The following OPN3 variants were observed in gnomAD, a reference collection of about 807,000 sequenced individuals.
The protein encoded by OPN3 is opsin-3.
Under a neutral mutation model 33.8 loss-of-function variants are expected in OPN3, and 29 were observed. The observed-to-expected ratio is 0.86, with a 90% CI of 0.64 to 1.17. The LOEUF (loss-of-function observed/expected upper bound fraction) is 1.17. Ranked by LOEUF, OPN3 falls within the 50% of genes most tolerant of loss-of-function variation. The pLI is 0.00. For synonymous variants in OPN3, 216 were observed against 216.1 expected, an observed-to-expected ratio of 1.00 and a Z score of 0.00; for missense variants, 437 against 514.1, an observed-to-expected ratio of 0.85 and a Z score of 1.45.
chr1:241,597,124 C>T (rs533351849), intron 3 of OPN3, among the ~76,000 whole-genome samples: 49 of 152,216 alleles, frequency 3.2e-4, no homozygotes, highest in South Asian at 8.3e-4. Context: ...GCCACCACAC[C>T]AGGCCCAGGA....
chr1:241,633,843 C>T (rs748606837), intron 1 of OPN3: 4 of 1,613,832 alleles, frequency 2.5e-6, no homozygotes, highest in Non-Finnish European at 3.4e-6. Context: ...TTGCTTTCCT[C>T]AGAGGATTCT....
At chr1:241,595,667 GT>G (rs1208524819) in intron 3 of OPN3, 1 of 152,046 alleles carries the variant, frequency 6.6e-6, no homozygotes, top group Non-Finnish European at 1.5e-5. Context: ...TTTTTTGTTT[GT>G]TTTTTGTTTT....
intron 1 of OPN3, among the ~76,000 whole-genome samples, chr1:241,638,778 C>A (rs1345584853): frequency 6.6e-6 from 1 of 152,026 alleles, no homozygotes. Flanking sequence ...AAAAATGAAT[C>A]ATTACAAATA....
intron 1 of OPN3, among the ~76,000 whole-genome samples, chr1:241,616,620 T>G (rs1480781215): frequency 6.6e-6 from 1 of 152,248 alleles, no homozygotes; most frequent in African/African-American, 2.4e-5. Flanking sequence ...CAAGGGATTA[T>G]TATGTATTTG....
At chr1:241,635,594 C>A (rs772981526) in intron 1 of OPN3, 1 of 1,614,100 alleles carries the variant, frequency 6.2e-7, no homozygotes, top group Non-Finnish European at 8.5e-7. Context: ...CTCCTTCAAC[C>A]AGGATAGCAA....
chr1:241,615,665 C>T (rs1184856630), intron 1 of OPN3, among the ~76,000 whole-genome samples: 1 of 152,184 alleles, frequency 6.6e-6, no homozygotes, highest in Non-Finnish European at 1.5e-5. Context: ...TTGTCATCCT[C>T]CTGGGCACCA....
chr1:241,597,634 TC>T, intron 3 of OPN3, 111 bp downstream of exon 3: 1 of 1,090,258 alleles, frequency 9.2e-7, no homozygotes, highest in East Asian at 2.5e-5. Flanking sequence ...CCTAAAAAAT[TC>T]TTGTTTTTTT....
chr1:241,633,997 G>T (rs1353582783), intron 1 of OPN3: 2 of 1,613,888 alleles, frequency 1.2e-6, no homozygotes. Context: ...CAGCTTGCTT[G>T]ACAGCATGCT....
At chr1:241,631,153 T>A (rs1005989826) in intron 1 of OPN3, 1 of 152,142 alleles carries the variant, frequency 6.6e-6, no homozygotes, top group South Asian at 2.1e-4. Flanking sequence ...ATCCCCTAAA[T>A]TTTTAAATGC....
intron 1 of OPN3, chr1:241,635,441 A>G (rs753385908): frequency 6.2e-7 from 1 of 1,613,984 alleles, no homozygotes; most frequent in Non-Finnish European, 8.5e-7. Flanking sequence ...GTTGTCCTCC[A>G]TATCCTGACT....
intron 1 of OPN3, among the ~76,000 whole-genome samples, chr1:241,605,188 A>G (rs1663794886): frequency 6.6e-6 from 1 of 152,178 alleles, no homozygotes; most frequent in East Asian, 1.9e-4. Flanking sequence ...TCTCCTGAAG[A>G]GAAATTCCAG....
intron 3 of OPN3, among the ~76,000 whole-genome samples, chr1:241,595,903 A>C (rs1663493179): frequency 6.8e-6 from 1 of 146,918 alleles, no homozygotes; most frequent in Non-Finnish European, 1.5e-5. Context: ...ATGCCAAAAA[A>C]CGTTTTTCCA....
At chr1:241,634,205 T>C in intron 1 of OPN3, 1 of 1,613,990 alleles carries the variant, frequency 6.2e-7, no homozygotes, top group Non-Finnish European at 8.5e-7. Context: ...TGATTCTAAG[T>C]CTTCTCTTGC....
At chr1:241,611,222 C>A (rs1211685491) in intron 1 of OPN3, among the ~76,000 whole-genome samples, 1 of 152,008 alleles carries the variant, frequency 6.6e-6, no homozygotes, top group Non-Finnish European at 1.5e-5. Flanking sequence ...ATTTATAGTT[C>A]AAGTATCTAG....
chr1:241,633,584 T>C (rs1439548241), intron 1 of OPN3: 6 of 589,868 alleles, frequency 1.0e-5, no homozygotes, highest in African/African-American at 1.9e-5. Flanking sequence ...ATATAGCCCA[T>C]TCTAAACAAA....
chr1:241,634,868 A>C lies in OPN3; in HGVS notation c.373+5014T>G, dbSNP rs1664815923. 1.2e-6 allele frequency: 2 copies of C among 1,609,622 alleles called. No individual in the cohort carries two copies. The highest frequency in any genetic ancestry group is 1.7e-6 in the Non-Finnish European group (2 of 1,178,340). ...TTCATACTCTAAACAAAATGTGAGA[A>C]ATTTCATTAGCATCCTCTTTTCAAC... On this transcript the variant is annotated intron_variant, in intron 1 of 3. Transcript: ENST00000366554.
intron 2 of OPN3, chr1:241,601,105 T>C (rs1245355545): frequency 6.6e-6 from 1 of 151,974 alleles, no homozygotes; most frequent in Non-Finnish European, 1.5e-5. Context: ...AAATAAAAAG[T>C]CAGTTTCTGA....
At chr1:241,610,135 A>G (rs1663952266) in intron 1 of OPN3, among the ~76,000 whole-genome samples, 1 of 152,240 alleles carries the variant, frequency 6.6e-6, no homozygotes. Context: ...TTGGCATATC[A>G]TTAGGCTTTG....
intron 1 of OPN3, among the ~76,000 whole-genome samples, chr1:241,608,875 C>G (rs890617898): frequency 4.6e-5 from 7 of 152,288 alleles, no homozygotes; most frequent in African/African-American, 1.7e-4. Context: ...ATGAGTCAGA[C>G]TGACTTAGTC....
Sources: gnomAD v4.1 joint callset for allele counts (sites outside exome capture counted in the v4.1 genomes callset) on GRCh38, gnomAD v4.1.1 for gene constraint, MANE v1.5 for transcripts, NCBI Gene and HGNC (gene_info 2026-07-23, HGNC 2026-07-21) for gene names.